The following ABHD12B variants were observed in gnomAD, a reference collection of about 807,000 sequenced individuals.
The protein encoded by ABHD12B is abhydrolase domain containing 12B.
Under a neutral mutation model 50.4 loss-of-function variants are expected in ABHD12B, and 42 were observed. That is an observed-to-expected ratio of 0.83 (90% CI 0.65 to 1.08). The LOEUF (loss-of-function observed/expected upper bound fraction) is 1.08, where lower values mean the gene tolerates loss of function less well. Among genes scored for constraint, ABHD12B ranks in the 50% least tolerant of loss-of-function variants. The probability of loss-of-function intolerance (pLI) is 0.00; values close to 1 mark genes in which losing one functional copy is unlikely to be tolerated. For missense variants in ABHD12B, 479 were observed against 447.7 expected, an observed-to-expected ratio of 1.07 and a Z score of -0.63; for synonymous variants, 167 against 160.3, an observed-to-expected ratio of 1.04 and a Z score of -0.32.
intron 11 of ABHD12B, 62 bp downstream of exon 11, chr14:50,903,529 C>T: frequency 7.0e-7 from 1 of 1,433,208 alleles, no homozygotes; most frequent in South Asian, 1.2e-5. Context: ...TTTTTTCATT[C>T]AGCCAAACTT....
intron 9 of ABHD12B, among the ~76,000 whole-genome samples, chr14:50,899,147 GTGCCAC>G (rs1379805217): frequency 6.6e-6 from 1 of 152,118 alleles, no homozygotes; most frequent in Non-Finnish European, 1.5e-5. Flanking sequence ...AACCGAGATC[GTGCCAC>G]TGCACTCCAG....
chr14:50,878,917 T>C (rs1407480358), intron 3 of ABHD12B, 70 bp downstream of exon 3: 1 of 1,329,100 alleles, frequency 7.5e-7, no homozygotes, highest in Non-Finnish European at 1.1e-6. Context: ...AGAGGAGCAG[T>C]GCTGTGTTAC....
rs912006549 is a variant in ABHD12B at position 50,888,898 on chromosome 14, T to C, written c.775T>C (p.Leu259=). The C allele has an allele frequency of 1.5e-5, 24 of 1,613,874 alleles. No homozygotes were observed. Among genetic ancestry groups the C allele is most frequent in the Non-Finnish European group, 2.0e-5 (24 of 1,179,898 alleles). The change falls in exon 9 of 13, where the codon TTA becomes CTA. Residue 259 remains leucine (L), a synonymous_variant. Coordinates refer to ENST00000337334, the MANE Select transcript of ABHD12B (RefSeq NM_001206673.2). ...MWVASINYPL[L]KIYRNIPGFL... ...GGTTGCAAGTATCAATTATCCCTTG[T>C]TAAAGGTGAGACTCTGATTCATCTT...
chr14:50,872,854 C>A (rs934743285), intron 1 of ABHD12B, among the ~76,000 whole-genome samples: 9 of 152,132 alleles, frequency 5.9e-5, no homozygotes, highest in Non-Finnish European at 1.0e-4. Context: ...GTGCCAAGTT[C>A]TTATGTTGTT....
intron 9 of ABHD12B, chr14:50,895,431 A>C (rs1471067146): frequency 2.2e-4 from 33 of 151,646 alleles, no homozygotes; most frequent in Admixed American, 9.9e-4. Context: ...ACCTCCTCCC[A>C]CAGGAGCTTG....
At chr14:50,881,529 T>C in intron 4 of ABHD12B, 67 bp from the exon 5 acceptor site, 1 of 1,564,450 alleles carries the variant, frequency 6.4e-7, no homozygotes, top group Non-Finnish European at 8.7e-7. Flanking sequence ...AGAGTGATTT[T>C]TATTGAATTT....
intron 2 of ABHD12B, 129 bp from the exon 3 acceptor site, chr14:50,878,616 C>A: frequency 1.4e-6 from 1 of 719,270 alleles, no homozygotes; most frequent in South Asian, 1.9e-5. Context: ...AAATACTCTG[C>A]TAGGAGTTTA....
rs1434256025 is a variant in ABHD12B at position 50,900,396 on chromosome 14, A to G, written c.781-1433A>G. On this transcript the variant is annotated intron_variant, in intron 9 of 12. Transcript: ENST00000337334. The stretch of plus-strand genomic sequence containing the variant: ...ATGAAGTGTCTATTATGTACCAGGA[A>G]CTTTTCTAGTTTTTGAGGACACCAC... 2.0e-4 allele frequency among the ~76,000 whole-genome samples: 30 copies of G among 152,220 alleles called. 1 individual carries two copies. Among genetic ancestry groups the G allele is most frequent in the Admixed American group, 2.0e-3 (30 of 15,286 alleles).
chr14:50,886,014 C>T (rs2050031583), intron 7 of ABHD12B, 119 bp downstream of exon 7: 1 of 1,387,396 alleles, frequency 7.2e-7, no homozygotes, highest in East Asian at 2.3e-5. Context: ...CTTTGCTGAT[C>T]ATTTTCACAC....
At position 50,886,343 on chromosome 14, in the gene ABHD12B, G is replaced by A. The variant is rs142931384; in HGVS notation, c.663-304G>A. On this transcript the variant is annotated intron_variant, in intron 7 of 12. Coordinates refer to ENST00000337334, the MANE Select transcript of ABHD12B (RefSeq NM_001206673.2). ...AATCCCAGCTACTCAGGAAGCTGAGGCAGGAGAATCACTTGAGCCCAGGGA... is the reference window on the plus strand; with the variant it reads ...AATCCCAGCTACTCAGGAAGCTGAGACAGGAGAATCACTTGAGCCCAGGGA... 3.4e-3 allele frequency among the ~76,000 whole-genome samples: 511 copies of A among 151,630 alleles called. 2 individuals carry two copies. The highest frequency in any genetic ancestry group is 0.012 in the African/African-American group (483 of 41,272).
At chr14:50,883,593 C>T (rs1281632080) in intron 5 of ABHD12B, among the ~76,000 whole-genome samples, 1 of 152,282 alleles carries the variant, frequency 6.6e-6, no homozygotes, top group Non-Finnish European at 1.5e-5. Context: ...CTTTTCCCCT[C>T]CCACTCAGAG....
chr14:50,885,693 A>T (rs770258193), intron 6 of ABHD12B, 34 bp downstream of exon 6: 8 of 1,614,088 alleles, frequency 5.0e-6, no homozygotes, highest in Non-Finnish European at 5.9e-6. Context: ...AAGATGTTTC[A>T]GTAACCAGGG....
At chr14:50,891,825 T>C (rs1000164641) in intron 9 of ABHD12B, 1 of 152,246 alleles carries the variant, frequency 6.6e-6, no homozygotes, top group Non-Finnish European at 1.5e-5. Context: ...TGTTTGCATA[T>C]ATCAGTGTCT....
Position 50,904,253 on chromosome 14 carries a change from A to G in ABHD12B, c.1061+61A>G, listed in dbSNP as rs1278604675. 3 of 1,613,384 alleles carry G rather than the reference A, an allele frequency of 1.9e-6. No homozygotes were observed. In the African/African-American group the frequency reaches 4.0e-5, roughly 22 times the overall value. On this transcript the variant is annotated intron_variant, in intron 12 of 12. Coordinates refer to ENST00000337334, the MANE Select transcript of ABHD12B (RefSeq NM_001206673.2). ...AAGGCAATTAGGGCTGCTCTGGCTTACTTAGGCCACAACATGAAAATGTAT... is the reference window on the plus strand; with the variant it reads ...AAGGCAATTAGGGCTGCTCTGGCTTGCTTAGGCCACAACATGAAAATGTAT...
intron 5 of ABHD12B, among the ~76,000 whole-genome samples, chr14:50,881,856 C>T (rs12588230): frequency 0.031 from 4,778 of 152,230 alleles, 199 homozygotes; most frequent in East Asian, 0.14. Context: ...AACTTAATAA[C>T]CTCATTGCCA....
chr14:50,886,579 C>T, intron 7 of ABHD12B, 68 bp from the exon 8 acceptor site: 1 of 1,446,984 alleles, frequency 6.9e-7, no homozygotes, highest in South Asian at 1.2e-5. Context: ...TTATCAGATG[C>T]TCATACCAGA....
chr14:50,887,804 C>A (rs185243334), intron 8 of ABHD12B, among the ~76,000 whole-genome samples: 3 of 152,226 alleles, frequency 2.0e-5, no homozygotes, highest in East Asian at 3.9e-4. Context: ...GACTGTAGTT[C>A]TTTGAGATCA....
At chr14:50,873,401 G>A (rs562656960) in intron 1 of ABHD12B, among the ~76,000 whole-genome samples, 2 of 152,194 alleles carry the variant, frequency 1.3e-5, no homozygotes, top group Admixed American at 6.5e-5. Context: ...TGTAGATATG[G>A]GTTTTCACTA....
At chr14:50,889,827 A>G (rs1425408594) in intron 9 of ABHD12B, among the ~76,000 whole-genome samples, 1 of 152,220 alleles carries the variant, frequency 6.6e-6, no homozygotes, top group African/African-American at 2.4e-5. Context: ...TTGTTGTTTC[A>G]TACTGTAAGA....
Sources: gnomAD v4.1 joint callset for allele counts (sites outside exome capture counted in the v4.1 genomes callset) on GRCh38, gnomAD v4.1.1 for gene constraint, MANE v1.5 for transcripts, NCBI Gene and HGNC (gene_info 2026-07-23, HGNC 2026-07-21) for gene names.